The following CFTR variants were observed in gnomAD, a reference collection of about 807,000 sequenced individuals.
CFTR encodes the protein cystic fibrosis transmembrane conductance regulator.
In CFTR, 181 loss-of-function variants were observed where a neutral mutation model predicts 171.6. That is an observed-to-expected ratio of 1.05 (90% CI 0.93 to 1.19). The LOEUF is 1.19. Among genes scored for constraint, CFTR ranks in the 50% most tolerant of loss-of-function variants. The pLI, the probability that CFTR is intolerant of heterozygous loss-of-function variation, is 0.00. For synonymous variants in CFTR, 583 were observed against 608.0 expected (o/e 0.96, Z 0.60); for missense variants, 1,968 against 1,734.7 (o/e 1.13, Z -2.39).
chr7:117,534,619 T>C (rs1176259064), intron 5 of CFTR, among the ~76,000 whole-genome samples: 2 of 152,204 alleles, frequency 1.3e-5, no homozygotes, highest in African/African-American at 4.8e-5. Context: ...TTATCAGACC[T>C]TGCTTCTTTT....
At chr7:117,637,551 T>A (rs1792846157) in intron 22 of CFTR, among the ~76,000 whole-genome samples, 1 of 152,058 alleles carries the variant, frequency 6.6e-6, no homozygotes, top group Non-Finnish European at 1.5e-5. Flanking sequence ...GGTAAAATAG[T>A]CTCTTTTGAG....
At chr7:117,492,649 A>G (rs2116620645) in intron 1 of CFTR, among the ~76,000 whole-genome samples, 1 of 152,174 alleles carries the variant, frequency 6.6e-6, no homozygotes, top group African/African-American at 2.4e-5. Flanking sequence ...GGGATACAGT[A>G]GTTTAAAAAA....
chr7:117,509,422 A>G (rs1326427393), intron 3 of CFTR, among the ~76,000 whole-genome samples: 1 of 152,188 alleles, frequency 6.6e-6, no homozygotes, highest in Non-Finnish European at 1.5e-5. Context: ...AAATCACATT[A>G]TCTTACTAGT....
chr7:117,483,705 T>TACACC (rs1798031202), intron 1 of CFTR, among the ~76,000 whole-genome samples: 2 of 151,810 alleles, frequency 1.3e-5, no homozygotes, highest in Non-Finnish European at 2.9e-5. Flanking sequence ...TCTTCAGGTG[T>TACACC]ACAGGTGTGT....
intron 21 of CFTR, among the ~76,000 whole-genome samples, chr7:117,618,000 A>C (rs1175196815): frequency 6.6e-6 from 1 of 152,054 alleles, no homozygotes; most frequent in Non-Finnish European, 1.5e-5. Flanking sequence ...TGTCTCCCTT[A>C]ACAGCTCCAG....
Position 117,509,129 on chromosome 7 carries a change from T to C in CFTR, c.260T>C (p.Phe87Ser), listed in dbSNP as rs1310658028. Residue 87 changes from phenylalanine (F) to serine (S), a missense_variant, in exon 3 of 27, where the codon TTT (phenylalanine) becomes TCT (serine). Phe to Ser is a radical substitution (Grantham distance 155). Transcript: ENST00000003084. ...FFWRFMFYGI[F>S]LYLGEVTKAV... ...TGGAGATTTATGTTCTATGGAATCT[T>C]TTTATATTTAGGGGTAAGGATCTCA... 1 of 1,576,270 alleles carries C rather than the reference T, an allele frequency of 6.3e-7. No individual in the cohort carries two copies. Among genetic ancestry groups the C allele is most frequent in the Non-Finnish European group, 8.7e-7 (1 of 1,146,098 alleles).
At chr7:117,581,042 A>G (rs923167229) in intron 11 of CFTR, among the ~76,000 whole-genome samples, 1 of 152,180 alleles carries the variant, frequency 6.6e-6, no homozygotes, top group Admixed American at 6.6e-5. Context: ...ATTCGTTTAT[A>G]AGGTAATAAG....
intron 1 of CFTR, among the ~76,000 whole-genome samples, chr7:117,483,071 C>G (rs567961232): frequency 6.6e-6 from 1 of 152,056 alleles, no homozygotes; most frequent in Non-Finnish European, 1.5e-5. Context: ...GTCTAAGTCT[C>G]GAGTTTAACA....
intron 5 of CFTR, among the ~76,000 whole-genome samples, chr7:117,534,855 C>T (rs1798921745): frequency 6.6e-6 from 1 of 152,144 alleles, no homozygotes; most frequent in South Asian, 2.1e-4. Flanking sequence ...TGTCAAATGA[C>T]AGAGTGTGGT....
chr7:117,538,446 T>A (rs1202890275), intron 7 of CFTR, among the ~76,000 whole-genome samples: 1 of 152,164 alleles, frequency 6.6e-6, no homozygotes, highest in Non-Finnish European at 1.5e-5. Flanking sequence ...TGTTCTTGGA[T>A]CTATTTTTTT....
At chr7:117,519,425 C>T (rs1459128265) in intron 3 of CFTR, among the ~76,000 whole-genome samples, 1 of 151,994 alleles carries the variant, frequency 6.6e-6, no homozygotes, top group Non-Finnish European at 1.5e-5. Flanking sequence ...TAAACTTTTG[C>T]TTTAGTATAT....
chr7:117,480,697 A>G (rs1162241053), intron 1 of CFTR, among the ~76,000 whole-genome samples: 1 of 152,202 alleles, frequency 6.6e-6, no homozygotes, highest in Non-Finnish European at 1.5e-5. Flanking sequence ...TCAAAAATTG[A>G]AAGCAAATTT....
Position 117,667,324 on chromosome 7 carries a change from T to C in CFTR, c.*216T>C. On this transcript the variant is annotated 3_prime_UTR_variant, in exon 27 of 27. Transcript: ENST00000003084. ...GCTTCCTGGCAATAGTCAAATTGTG[T>C]GAAAGGTACTTCAAATCCTTGAAGA... 1.8e-6 allele frequency: 1 copy of C among 548,568 alleles called. No homozygotes were observed. Among genetic ancestry groups the C allele is most frequent in the Admixed American group, 2.9e-5 (1 of 34,496 alleles). 34.0% of individuals were successfully genotyped at this position (548,568 alleles called of 1,614,324 possible).
At chr7:117,666,049 C>G (rs750469245) in intron 26 of CFTR, among the ~76,000 whole-genome samples, 7 of 152,132 alleles carry the variant, frequency 4.6e-5, no homozygotes, top group Non-Finnish European at 1.0e-4. Flanking sequence ...CAACCACCTT[C>G]TCACTGTTCT....
intron 14 of CFTR, among the ~76,000 whole-genome samples, chr7:117,593,031 C>T (rs910931023): frequency 1.3e-5 from 2 of 152,144 alleles, no homozygotes; most frequent in Non-Finnish European, 2.9e-5. Context: ...ATTTATAGCT[C>T]GCAAAATAAT....
chr7:117,609,686 C>T (rs1045137692), intron 18 of CFTR, among the ~76,000 whole-genome samples: 3 of 152,114 alleles, frequency 2.0e-5, no homozygotes, highest in African/African-American at 7.2e-5. Context: ...AATCAAAAGA[C>T]TCCAAGACGA....
rs767901668 is a variant in CFTR, at chr7:117,587,867, G to T, written c.1679+34G>T. 2.0e-5 allele frequency: 25 copies of T among 1,229,364 alleles called. No individual in the cohort carries two copies. The highest frequency in any genetic ancestry group is 6.0e-5 in the South Asian group (5 of 83,080). 76.2% of individuals were successfully genotyped at this position (1,229,364 alleles called of 1,614,324 possible). On this transcript the variant is annotated intron_variant, in intron 12 of 26. Coordinates refer to ENST00000003084, the MANE Select transcript of CFTR (RefSeq NM_000492.4). ...CTAATTATTGGTCTAGCAAGCATTT[G>T]CTGTAAATGTCATTCATGTAAAAAA...
chr7:117,644,060 C>CT (rs138525231), intron 23 of CFTR, among the ~76,000 whole-genome samples: 7,397 of 148,216 alleles, frequency 0.05, 609 homozygotes, highest in African/African-American at 0.17. Context: ...CCAAGTTTGT[C>CT]TTTTTTTTTT....
Position 117,509,050 on chromosome 7 carries a change from C to T in CFTR, c.181C>T (p.Leu61=). Residue 61 remains leucine, a synonymous_variant, in exon 3 of 27, where the codon CTG becomes TTG. Transcript: ENST00000003084. ...CTTTTGCAGAGAATGGGATAGAGAGCTGGCTTCAAAGAAAAATCCTAAACT... is the reference window on the plus strand; with the variant it reads ...CTTTTGCAGAGAATGGGATAGAGAGTTGGCTTCAAAGAAAAATCCTAAACT... ...EKLEREWDRE[L]ASKKNPKLIN... is the part of the protein sequence containing the mutation. 6.2e-7 allele frequency: 1 copy of T among 1,609,690 alleles called. No individual in the cohort carries two copies. The highest frequency in any genetic ancestry group is 8.5e-7 in the Non-Finnish European group (1 of 1,176,314).
Sources: gnomAD v4.1 joint callset for allele counts (sites outside exome capture counted in the v4.1 genomes callset) on GRCh38, gnomAD v4.1.1 for gene constraint, MANE v1.5 for transcripts, NCBI Gene and HGNC (gene_info 2026-07-23, HGNC 2026-07-21) for gene names.